The following CHFR variants were observed in gnomAD, a reference collection of about 807,000 sequenced individuals.
The protein encoded by CHFR is checkpoint with forkhead and ring finger domains, also known as E3 ubiquitin-protein ligase CHFR.
A neutral mutation model predicts 87.6 loss-of-function variants in CHFR; 57 were observed. That is an observed-to-expected ratio of 0.65 (90% CI 0.53 to 0.81). CHFR has a LOEUF of 0.81. CHFR is among the 30% of genes least tolerant of loss of function. The pLI, the probability that CHFR is intolerant of heterozygous loss-of-function variation, is 0.00. For synonymous variants in CHFR, 381 were observed against 359.2 expected (o/e 1.06, Z -0.69); for missense variants, 797 against 865.8 (o/e 0.92, Z 1.00).
chr12:132,852,149 T>A (rs1428019781), intron 11 of CHFR, among the ~76,000 whole-genome samples: 1 of 121,864 alleles, frequency 8.2e-6, no homozygotes, highest in African/African-American at 3.4e-5. Context: ...CCTGGCTAAT[T>A]TTTTTTTTTT....
At chr12:132,844,974 CAAGAAG>C (rs1175472285) in intron 15 of CHFR, among the ~76,000 whole-genome samples, 1 of 151,610 alleles carries the variant, frequency 6.6e-6, no homozygotes, top group Non-Finnish European at 1.5e-5. Context: ...TCCCAAAAAA[CAAGAAG>C]AAAATGAGAA....
intron 15 of CHFR, among the ~76,000 whole-genome samples, chr12:132,845,823 T>C (rs2136924188): frequency 6.6e-6 from 1 of 152,262 alleles, no homozygotes. Context: ...GATAGACAAG[T>C]GGTAGAGACC....
intron 7 of CHFR, among the ~76,000 whole-genome samples, 182 bp downstream of exon 7, chr12:132,861,285 C>T (rs1377717606): frequency 2.6e-5 from 4 of 152,024 alleles, no homozygotes; most frequent in East Asian, 1.9e-4. Context: ...TTATGCAAAC[C>T]GCAAAAAAAC....
chr12:132,871,289 T>C (rs1951482907), intron 4 of CHFR, among the ~76,000 whole-genome samples: 1 of 151,862 alleles, frequency 6.6e-6, no homozygotes, highest in Non-Finnish European at 1.5e-5. Flanking sequence ...CTGTCTGTAC[T>C]AAAAATACAA....
At chr12:132,858,932 C>T in intron 8 of CHFR, 136 bp downstream of exon 8, 1 of 797,196 alleles carries the variant, frequency 1.3e-6, no homozygotes, top group Non-Finnish European at 1.9e-6. Context: ...ACCCACTTAT[C>T]TGGGTGACAG....
rs1363396811 is a variant in CHFR, at chr12:132,851,680, AAGC to A, written c.1427_1429del (p.Cys476del). 1.9e-6 allele frequency: 3 copies of A among 1,613,296 alleles called. No homozygotes were observed. Among genetic ancestry groups the A allele is most frequent in the Non-Finnish European group, 2.5e-6 (3 of 1,179,948 alleles). On this transcript the variant is annotated inframe_deletion, in exon 12 of 18. Transcript: ENST00000450056. ...CGCTCTCCGGTCGGGCATGGGCTGG[AAGC>A]AGCAGGTGCACAGGGCGTGGCTTCC...
chr12:132,882,986 G>T (rs1184518430), intron 2 of CHFR: 1 of 152,202 alleles, frequency 6.6e-6, no homozygotes, highest in Non-Finnish European at 1.5e-5. Flanking sequence ...ACAGGCATGA[G>T]CCACCGTGCC....
intron 12 of CHFR, chr12:132,849,093 C>T (rs1436675362): frequency 1.1e-5 from 2 of 186,216 alleles, no homozygotes; most frequent in Non-Finnish European, 1.1e-5. Context: ...ACTACAGGTG[C>T]ACACCACCAG....
At chr12:132,856,365 A>G in intron 10 of CHFR, 103 bp downstream of exon 10, 1 of 1,259,958 alleles carries the variant, frequency 7.9e-7, no homozygotes, top group Non-Finnish European at 1.1e-6. Flanking sequence ...GGGCAGAACT[A>G]GATCTCAGGA....
At position 132,847,129 on chromosome 12, in the gene CHFR, T is replaced by C. The variant is rs1432073088; in HGVS notation, c.1649A>G (p.Asn550Ser). 21 of 1,613,510 alleles carry C rather than the reference T, an allele frequency of 1.3e-5. No homozygotes were observed. The highest frequency in any genetic ancestry group is 5.1e-6 in the Non-Finnish European group (6 of 1,179,686). The change falls in exon 15 of 18, where the codon AAT becomes AGT. Residue 550 changes from asparagine to serine, a missense_variant and splice_region_variant. Transcript: ENST00000450056. Reference sequence around the variant, plus strand: ...TGTCAAACCTCTGGTTGCCAGGTAATTCTGTGACGCAAAAAAAGAGAGGAA... The same window carrying C: ...TGTCAAACCTCTGGTTGCCAGGTAACTCTGTGACGCAAAAAAAGAGAGGAA... ...NNSYESDILK[N>S]YLATRGLTWK...
intron 3 of CHFR, among the ~76,000 whole-genome samples, chr12:132,876,854 G>A (rs1951641517): frequency 6.6e-6 from 1 of 152,184 alleles, no homozygotes; most frequent in Non-Finnish European, 1.5e-5. Flanking sequence ...GAGTGCAGTG[G>A]TGCCATCTCA....
At chr12:132,863,108 G>A (rs1239317771) in intron 6 of CHFR, among the ~76,000 whole-genome samples, 1 of 149,262 alleles carries the variant, frequency 6.7e-6, no homozygotes, top group East Asian at 2.0e-4. Flanking sequence ...GTGTTAGCCA[G>A]GATGGTCTCG....
chr12:132,861,632 A>AC lies in CHFR; in HGVS notation c.585dup (p.Ser196ValfsTer9). ...TTAGGGGAGATGCCACCACCCCCAG[A>AC]CCCTGTGAGAGGAATCAAACAAGAT... On this transcript the variant is annotated frameshift_variant and splice_region_variant, in exon 7 of 18. Transcript: ENST00000450056. LOFTEE classifies it high-confidence loss of function. 1 of 1,613,934 alleles carries AC rather than the reference A, an allele frequency of 6.2e-7. No homozygotes were observed. Among genetic ancestry groups the AC allele is most frequent in the Non-Finnish European group, 8.5e-7 (1 of 1,179,880 alleles).
intron 2 of CHFR, among the ~76,000 whole-genome samples, chr12:132,881,731 G>A (rs2137064286): frequency 6.6e-6 from 1 of 152,220 alleles, no homozygotes; most frequent in South Asian, 2.1e-4. Context: ...AGCCGGGCAT[G>A]GTGGCACGTG....
chr12:132,878,590 C>T (rs1002590466), intron 2 of CHFR, among the ~76,000 whole-genome samples: 2 of 150,488 alleles, frequency 1.3e-5, no homozygotes, highest in African/African-American at 2.4e-5. Flanking sequence ...CACACCGAGG[C>T]GGGCAGATCA....
At chr12:132,877,690 T>G in intron 2 of CHFR, 36 bp from the exon 3 acceptor site, 1 of 1,419,078 alleles carries the variant, frequency 7.0e-7, no homozygotes, top group Non-Finnish European at 9.9e-7. Flanking sequence ...CGGGATATGA[T>G]CGTGGTAACT....
At chr12:132,843,867 C>T (rs953978595) in intron 16 of CHFR, among the ~76,000 whole-genome samples, 160 bp downstream of exon 16, 15 of 151,490 alleles carry the variant, frequency 9.9e-5, no homozygotes, top group African/African-American at 3.6e-4. Context: ...AAGAATTGCT[C>T]GAACTCAGGA....
intron 15 of CHFR, among the ~76,000 whole-genome samples, chr12:132,844,778 G>C (rs1463312197): frequency 0.044 from 5,096 of 114,736 alleles, no homozygotes; most frequent in Non-Finnish European, 0.079. Flanking sequence ...CTACAGGTGT[G>C]TGCCACCGTG....
intron 2 of CHFR, among the ~76,000 whole-genome samples, chr12:132,883,327 G>A: frequency 6.6e-6 from 1 of 151,664 alleles, no homozygotes. Context: ...TCTGGATGCT[G>A]AGGAAGGAGA....
Sources: gnomAD v4.1 joint callset for allele counts (sites outside exome capture counted in the v4.1 genomes callset) on GRCh38, gnomAD v4.1.1 for gene constraint, MANE v1.5 for transcripts, NCBI Gene and HGNC (gene_info 2026-07-23, HGNC 2026-07-21) for gene names.